Variants in WDPCP observed in about 807,000 individuals in gnomAD.
WDPCP encodes WD repeat-containing and planar cell polarity effector protein fritz homolog.
WDPCP carries 71 observed loss-of-function variants against 93.1 expected under a neutral mutation model. The observed-to-expected ratio is 0.76, with a 90% CI of 0.63 to 0.93. The LOEUF is 0.93. Ranked by LOEUF, WDPCP falls within the 40% of genes least tolerant of loss-of-function variation. The pLI is 0.00. For missense variants in WDPCP, 844 were observed against 887.4 expected (o/e 0.95, Z 0.62); for synonymous variants, 315 against 315.0 (o/e 1.00, Z 0.00).
intron 2 of WDPCP, among the ~76,000 whole-genome samples, chr2:63,683,118 T>A (rs1668743096): frequency 6.6e-6 from 1 of 151,988 alleles, no homozygotes; most frequent in Non-Finnish European, 1.5e-5. Context: ...AGCAAGATAG[T>A]AAATAATACC....
intron 12 of WDPCP, among the ~76,000 whole-genome samples, chr2:63,372,617 C>T (rs985837934): frequency 1.3e-5 from 2 of 152,102 alleles, no homozygotes; most frequent in African/African-American, 4.8e-5. Context: ...GTTCAAATCT[C>T]CTATTTCCTG....
chr2:63,497,439 A>T (rs1701299371), intron 1 of WDPCP, among the ~76,000 whole-genome samples: 1 of 152,180 alleles, frequency 6.6e-6, no homozygotes, highest in Non-Finnish European at 1.5e-5. Flanking sequence ...GTCATGCATT[A>T]ACAGGGGAGC....
intron 13 of WDPCP, among the ~76,000 whole-genome samples, chr2:63,295,777 C>CAAA (rs1559293273): frequency 1.2e-3 from 59 of 47,684 alleles, no homozygotes; most frequent in African/African-American, 0.011. Flanking sequence ...AAAAAATCTT[C>CAAA]GAACAACAAC....
chr2:63,550,192 A>AACACAC (rs56155473), intron 1 of WDPCP, among the ~76,000 whole-genome samples: 130 of 44,350 alleles, frequency 2.9e-3, no homozygotes, highest in South Asian at 7.3e-3. Flanking sequence ...CATCTTAAGA[A>AACACAC]ACACACACAC....
intron 13 of WDPCP, among the ~76,000 whole-genome samples, chr2:63,291,826 AG>A (rs1684446300): frequency 6.7e-6 from 1 of 149,652 alleles, no homozygotes; most frequent in African/African-American, 2.5e-5. Flanking sequence ...AAAAAAGAAA[AG>A]AAAAGAAAAA....
In WDPCP at chr2:63,437,435, C is replaced by T; in HGVS notation, c.619G>A (p.Ala207Thr). The T allele has an allele frequency of 1.2e-6, 2 of 1,601,032 alleles. No individual in the cohort carries two copies. The highest frequency in any genetic ancestry group is 1.9e-4 in the Middle Eastern group (1 of 5,200). ...AAAATCTCTACCTTATAATCCAAGG[C>T]TGAGAGTTTTTCCAGTCTTTTGTTT... ...DVNKRLEKLSALDYKIFYYEI... is the reference protein window; with the variant it reads ...DVNKRLEKLSTLDYKIFYYEI... The change falls in exon 8 of 18, where the codon GCC becomes ACC. Residue 207 changes from alanine to threonine, a missense_variant. Coordinates refer to ENST00000272321, the MANE Select transcript of WDPCP (RefSeq NM_015910.7).
rs983808509 is a variant in WDPCP at position 63,404,563 on chromosome 2, C to T, written c.920G>A (p.Ser307Asn). The T allele has an allele frequency of 1.2e-6, 2 of 1,613,826 alleles. No homozygotes were observed. The highest frequency in any genetic ancestry group is 2.7e-5 in the African/African-American group (2 of 74,920). ...GTCAGCCATGGGCTCTTTGTCTACA[C>T]TTACGGAGTGCTCCACTGTGAACAC... is the stretch of plus-strand genomic sequence containing the variant. ...YQVFTVEHSVSVDKEPMADSC... is the reference protein window; with the variant it reads ...YQVFTVEHSVNVDKEPMADSC... The change falls in exon 10 of 18, where the codon AGT (serine) becomes AAT (asparagine). Residue 307 changes from serine to asparagine, a missense_variant. Ser to Asn is a conservative substitution (Grantham distance 46). Transcript: ENST00000272321.
At chr2:63,132,313 T>C (rs1442530523) in intron 17 of WDPCP, among the ~76,000 whole-genome samples, 2 of 152,000 alleles carry the variant, frequency 1.3e-5, no homozygotes, top group Non-Finnish European at 2.9e-5. Flanking sequence ...ATGTGTCTTG[T>C]TGTATGTCTC....
At chr2:63,284,502 G>A (rs1683833491) in intron 13 of WDPCP, among the ~76,000 whole-genome samples, 1 of 152,078 alleles carries the variant, frequency 6.6e-6, no homozygotes, top group East Asian at 1.9e-4. Flanking sequence ...CTTTAAAAAG[G>A]TTTCTCTTTG....
intron 1 of WDPCP, among the ~76,000 whole-genome samples, chr2:63,575,485 A>ACAGTG (rs1157089103): frequency 1.3e-4 from 7 of 52,078 alleles, no homozygotes; most frequent in Admixed American, 5.3e-4. Context: ...TACAGTGTAT[A>ACAGTG]TATAGTATAT....
intron 2 of WDPCP, among the ~76,000 whole-genome samples, chr2:63,737,502 C>A (rs1052190266): frequency 2.6e-5 from 4 of 152,170 alleles, no homozygotes; most frequent in Admixed American, 2.0e-4. Flanking sequence ...CTAGAAGCAA[C>A]CTGAGTGGCA....
intron 9 of WDPCP, among the ~76,000 whole-genome samples, chr2:63,418,062 G>A (rs780218629): frequency 3.2e-4 from 48 of 152,066 alleles, no homozygotes; most frequent in Non-Finnish European, 5.9e-4. Context: ...AAAAATATGT[G>A]AATATATTTC....
At chr2:63,712,643 C>G (rs1362345226) in intron 2 of WDPCP, among the ~76,000 whole-genome samples, 3 of 152,152 alleles carry the variant, frequency 2.0e-5, no homozygotes, top group Non-Finnish European at 2.9e-5. Context: ...TAAGTGGGTT[C>G]AAAAATTCCA....
intron 17 of WDPCP, among the ~76,000 whole-genome samples, chr2:63,143,298 G>C (rs1671233431): frequency 6.6e-6 from 1 of 152,080 alleles, no homozygotes; most frequent in Non-Finnish European, 1.5e-5. Context: ...TTTACTTTAA[G>C]TTTATGTGAG....
At chr2:63,693,435 G>T (rs1668916671) in intron 2 of WDPCP, among the ~76,000 whole-genome samples, 1 of 125,420 alleles carries the variant, frequency 8.0e-6, no homozygotes, top group South Asian at 2.8e-4. Context: ...AGTAGATATA[G>T]ATATTAGATA....
At chr2:63,417,991 C>T (rs1695556704) in intron 9 of WDPCP, among the ~76,000 whole-genome samples, 1 of 151,926 alleles carries the variant, frequency 6.6e-6, no homozygotes, top group African/African-American at 2.4e-5. Flanking sequence ...CAAATACCTG[C>T]ATTTTAGCAG....
At chr2:63,150,322 C>G (rs776876798) in intron 17 of WDPCP, among the ~76,000 whole-genome samples, 2 of 152,094 alleles carry the variant, frequency 1.3e-5, no homozygotes, top group Admixed American at 6.6e-5. Context: ...CTTCCTCCCC[C>G]CAGGAGACAT....
At chr2:63,528,516 C>G (rs936239397) in intron 1 of WDPCP, among the ~76,000 whole-genome samples, 2 of 152,138 alleles carry the variant, frequency 1.3e-5, no homozygotes, top group African/African-American at 4.8e-5. Context: ...TGTCAAAGAT[C>G]AGATAGTTGT....
At chr2:63,214,867 T>C (rs1677178479) in intron 14 of WDPCP, among the ~76,000 whole-genome samples, 1 of 152,142 alleles carries the variant, frequency 6.6e-6, no homozygotes, top group Admixed American at 6.5e-5. Flanking sequence ...GGAACTCCCA[T>C]TCACAATTGC....
Sources: allele counts gnomAD v4.1 joint callset (sites outside exome capture counted in the v4.1 genomes callset), GRCh38; gene constraint gnomAD v4.1.1; transcripts MANE v1.5; gene names NCBI Gene and HGNC (gene_info 2026-07-23, HGNC 2026-07-21).